COL25A1: variants seen among roughly 807,000 people sequenced by gnomAD.
COL25A1 encodes collagen alpha-1(XXV) chain.
COL25A1 carries 103 observed loss-of-function variants against 128.4 expected under a neutral mutation model. That is an observed-to-expected ratio of 0.80 (90% CI 0.68 to 0.94). COL25A1 has a LOEUF of 0.94. Ranked by LOEUF, COL25A1 falls within the 40% of genes least tolerant of loss-of-function variation. The probability of loss-of-function intolerance (pLI) is 0.00; values close to 1 mark genes in which losing one functional copy is unlikely to be tolerated. For missense variants in COL25A1, 745 were observed against 840.0 expected (o/e 0.89, Z 1.40); for synonymous variants, 279 against 277.2 (o/e 1.01, Z -0.06).
chr4:109,129,770 G>GTCCA (rs1768992168), intron 3 of COL25A1, among the ~76,000 whole-genome samples: 1 of 152,100 alleles, frequency 6.6e-6, no homozygotes, highest in South Asian at 2.1e-4. Context: ...GACTGTCATA[G>GTCCA]TAAACTAAGA....
At chr4:109,069,364 A>C (rs1762729402) in intron 3 of COL25A1, among the ~76,000 whole-genome samples, 1 of 152,010 alleles carries the variant, frequency 6.6e-6, no homozygotes, top group Non-Finnish European at 1.5e-5. Context: ...GGCATGCACC[A>C]CCACAGCCAG....
At chr4:109,150,536 C>A (rs1382742484) in intron 3 of COL25A1, among the ~76,000 whole-genome samples, 1 of 152,060 alleles carries the variant, frequency 6.6e-6, no homozygotes, top group Non-Finnish European at 1.5e-5. Context: ...AAGTTTCTTG[C>A]AGCTATCTAA....
At chr4:109,075,456 G>A (rs1024557264) in intron 3 of COL25A1, among the ~76,000 whole-genome samples, 2 of 151,842 alleles carry the variant, frequency 1.3e-5, no homozygotes, top group South Asian at 2.1e-4. Context: ...CGTTTGAAGG[G>A]GGAAATGATC....
intron 3 of COL25A1, among the ~76,000 whole-genome samples, chr4:109,206,979 A>C (rs1175107149): frequency 1.3e-5 from 2 of 152,192 alleles, no homozygotes; most frequent in Non-Finnish European, 2.9e-5. Context: ...AATCTGCTTT[A>C]GGTATATAGC....
chr4:109,250,642 AC>A (rs1780584459), intron 3 of COL25A1, among the ~76,000 whole-genome samples: 2 of 152,102 alleles, frequency 1.3e-5, no homozygotes, highest in Admixed American at 6.6e-5. Flanking sequence ...CCCTTATTCT[AC>A]CTTTTTGTTC....
intron 3 of COL25A1, among the ~76,000 whole-genome samples, chr4:109,101,984 A>T (rs1390880612): frequency 6.6e-6 from 1 of 152,232 alleles, no homozygotes; most frequent in Non-Finnish European, 1.5e-5. Context: ...AACATGAAAT[A>T]CATCACATGT....
intron 3 of COL25A1, among the ~76,000 whole-genome samples, chr4:109,065,537 C>CGA (rs1553924913): frequency 1.5e-5 from 2 of 132,104 alleles, no homozygotes; most frequent in Non-Finnish European, 3.2e-5. Flanking sequence ...GCAGCACGCG[C>CGA]GCGCGCGCGT....
intron 8 of COL25A1, among the ~76,000 whole-genome samples, chr4:108,969,296 T>G (rs1578928476): frequency 1.3e-5 from 2 of 152,158 alleles, no homozygotes; most frequent in Non-Finnish European, 2.9e-5. Context: ...ACTAAGAAGT[T>G]CATAGGGAAA....
At chr4:108,925,080 T>C (rs1248995845) in intron 11 of COL25A1, among the ~76,000 whole-genome samples, 1 of 152,212 alleles carries the variant, frequency 6.6e-6, no homozygotes, top group Non-Finnish European at 1.5e-5. Context: ...GTGAATCGTT[T>C]TGAGGTTAAT....
chr4:109,077,436 C>A (rs916396616), intron 3 of COL25A1, among the ~76,000 whole-genome samples: 50 of 151,980 alleles, frequency 3.3e-4, no homozygotes, highest in African/African-American at 1.1e-3. Context: ...CACCACCACC[C>A]CCCCGCCCCC....
At chr4:108,823,190 T>C (rs1019436142) in intron 35 of COL25A1, among the ~76,000 whole-genome samples, 1 of 152,240 alleles carries the variant, frequency 6.6e-6, no homozygotes, top group African/African-American at 2.4e-5. Flanking sequence ...TAAATTAACC[T>C]GAGAAATATA....
At chr4:109,291,209 G>A (rs138840292) in intron 3 of COL25A1, among the ~76,000 whole-genome samples, 7 of 152,198 alleles carry the variant, frequency 4.6e-5, no homozygotes, top group East Asian at 1.9e-4. Context: ...ATTTCAATGC[G>A]AGGTAGAGTA....
chr4:109,147,082 G>A (rs7693251), intron 3 of COL25A1, among the ~76,000 whole-genome samples: 50,121 of 152,064 alleles, frequency 0.33, 10,343 homozygotes, highest in Non-Finnish European at 0.47. Flanking sequence ...GGGTAAAATC[G>A]CCAGCAGTTA....
At chr4:108,833,411 T>C (rs756850210) in intron 31 of COL25A1, among the ~76,000 whole-genome samples, 14 of 152,308 alleles carry the variant, frequency 9.2e-5, no homozygotes, top group Admixed American at 2.6e-4. Context: ...GAGGTGATAT[T>C]TGAATGAATG....
At chr4:109,148,071 A>G (rs1299907826) in intron 3 of COL25A1, among the ~76,000 whole-genome samples, 1 of 152,164 alleles carries the variant, frequency 6.6e-6, no homozygotes, top group African/African-American at 2.4e-5. Flanking sequence ...AGTGAAAACT[A>G]AAGTGAAAAT....
In COL25A1 at chr4:108,838,424, G is replaced by C. The variant is rs150756282; in HGVS notation, c.1656+3271C>G. On this transcript the variant is annotated intron_variant, in intron 31 of 37. Coordinates refer to ENST00000399132, the MANE Select transcript of COL25A1 (RefSeq NM_198721.4). ...GCTCCTTACAATAAAAATATGTATG[G>C]TTGAATTCCTAAATTTTTCAGTTCC... Among the ~76,000 whole-genome samples the C allele has an allele frequency of 1.7e-4, 26 of 152,148 alleles. No homozygotes were observed. The East Asian group carries it at 5.0e-3, about 29-fold the overall frequency.
At position 108,810,055 on chromosome 4, in the gene COL25A1, G is replaced by T. The variant is rs1421787392; in HGVS notation, c.*3872C>A. The T allele has an allele frequency of 6.6e-6, 1 of 151,840 alleles. No homozygotes were observed. Among genetic ancestry groups the T allele is most frequent in the South Asian group, 2.1e-4 (1 of 4,822 alleles). 9.4% of individuals were successfully genotyped at this position (151,840 alleles called of 1,614,324 possible). A position where few individuals can be genotyped will look rare whatever the true frequency, so the allele number is the denominator to read the frequency against. The stretch of plus-strand genomic sequence containing the variant: ...AACAAGATTTCAAATATTAGCATCT[G>T]TATGTTGCTTATGATCACTTATTAG... On this transcript the variant is annotated 3_prime_UTR_variant, in exon 38 of 38. Transcript: ENST00000399132.
intron 3 of COL25A1, among the ~76,000 whole-genome samples, chr4:109,111,436 A>G (rs767750781): frequency 1.3e-5 from 2 of 152,118 alleles, no homozygotes; most frequent in Non-Finnish European, 2.9e-5. Flanking sequence ...TTCACAACCC[A>G]TCATCTCACA....
At chr4:108,996,659 T>C (rs1479510231) in intron 6 of COL25A1, among the ~76,000 whole-genome samples, 2 of 152,152 alleles carry the variant, frequency 1.3e-5, no homozygotes, top group African/African-American at 4.8e-5. Flanking sequence ...ACAACCCAAA[T>C]CAACAGAATA....
Sources: gnomAD v4.1 joint callset for allele counts (sites outside exome capture counted in the v4.1 genomes callset) on GRCh38, gnomAD v4.1.1 for gene constraint, MANE v1.5 for transcripts, NCBI Gene and HGNC (gene_info 2026-07-23, HGNC 2026-07-21) for gene names.